Variants in RIPOR2 observed in about 807,000 individuals in gnomAD.
The protein encoded by RIPOR2 is RHO family interacting cell polarization regulator 2, also known as rho family-interacting cell polarization regulator 2.
A neutral mutation model predicts 114.5 loss-of-function variants in RIPOR2; 39 were observed. The observed-to-expected ratio is 0.34, with a 90% confidence interval of 0.26 to 0.44. The LOEUF is 0.44. Ranked by LOEUF, RIPOR2 falls within the 20% of genes least tolerant of loss-of-function variation. RIPOR2 has a pLI of 1.00. For missense variants in RIPOR2, 1,007 were observed against 1,255.1 expected (o/e 0.80, Z 2.99); for synonymous variants, 445 against 484.4 (o/e 0.92, Z 1.07).
At chr6:24,869,008 G>T (rs1029996490) in intron 6 of RIPOR2, 86 bp downstream of exon 6, 2 of 692,150 alleles carry the variant, frequency 2.9e-6, no homozygotes, top group Non-Finnish European at 2.5e-6. Flanking sequence ...AGTTCTCCAC[G>T]CACTAGATAC....
chr6:24,975,038 A>C (rs62401113), intron 1 of RIPOR2, among the ~76,000 whole-genome samples: 149,826 of 152,268 alleles, frequency 0.98, 73,696 homozygotes, highest in Non-Finnish European at 0.99. Context: ...GTTTCTTTTA[A>C]TGGTAATAAA....
In RIPOR2 at chr6:24,928,155, G is replaced by A. The variant is rs558207728; in HGVS notation, c.61+7683C>T. On this transcript the variant is annotated intron_variant, in intron 1 of 21. Coordinates refer to ENST00000643898, the MANE Select transcript of RIPOR2 (RefSeq NM_001286445.3). ...GATGCTTGTGGAGATTAATAGGGGT[G>A]TGAGTCATGCCCTACCTCAAAAACA... Among the ~76,000 whole-genome samples the A allele has an allele frequency of 5.9e-5, 9 of 152,288 alleles. No individual in the cohort carries two copies. The South Asian group carries it at 1.2e-3, about 21-fold the overall frequency.
chr6:24,989,772 C>T (rs929515006), intron 1 of RIPOR2, among the ~76,000 whole-genome samples: 7 of 151,658 alleles, frequency 4.6e-5, no homozygotes, highest in Admixed American at 6.6e-5. Context: ...TGGCTGGGCG[C>T]GGTGATCCCA....
intron 1 of RIPOR2, among the ~76,000 whole-genome samples, chr6:24,950,425 C>T (rs927817396): frequency 2.0e-5 from 3 of 152,146 alleles, no homozygotes; most frequent in African/African-American, 7.2e-5. Flanking sequence ...CTTGCACAAT[C>T]CTGTAATCTC....
At chr6:24,963,964 G>T (rs78773832) in intron 1 of RIPOR2, among the ~76,000 whole-genome samples, 1 of 152,058 alleles carries the variant, frequency 6.6e-6, no homozygotes, top group Non-Finnish European at 1.5e-5. Context: ...TCTCAGGCTG[G>T]TCTCGAATTC....
intron 14 of RIPOR2, among the ~76,000 whole-genome samples, chr6:24,836,563 A>C (rs996745267): frequency 8.5e-5 from 13 of 152,312 alleles, no homozygotes; most frequent in African/African-American, 3.1e-4. Flanking sequence ...GAGGGTGGCA[A>C]TAGTGGTCTT....
At chr6:24,949,566 T>A (rs1240363963) in intron 1 of RIPOR2, among the ~76,000 whole-genome samples, 1 of 152,212 alleles carries the variant, frequency 6.6e-6, no homozygotes, top group Non-Finnish European at 1.5e-5. Flanking sequence ...CTAAGCAACC[T>A]TGGAGAAAAT....
intron 1 of RIPOR2, among the ~76,000 whole-genome samples, chr6:24,985,686 A>AGG (rs1158247162): frequency 4.6e-5 from 7 of 152,156 alleles, no homozygotes; most frequent in Non-Finnish European, 8.8e-5. Context: ...GGACCCCCCT[A>AGG]GACCCCTGGT....
At chr6:24,825,925 C>CTTTTTTTTT (rs11454820) in intron 18 of RIPOR2, among the ~76,000 whole-genome samples, 1 of 126,300 alleles carries the variant, frequency 7.9e-6, no homozygotes, top group Non-Finnish European at 1.6e-5. Context: ...ATGTTTTTCT[C>CTTTTTTTTT]TTTTTTTTTT....
chr6:24,858,887 G>A lies in RIPOR2; in HGVS notation c.715+2086C>T, dbSNP rs1448507538. On this transcript the variant is annotated intron_variant, in intron 8 of 21. Coordinates refer to ENST00000643898, the MANE Select transcript of RIPOR2 (RefSeq NM_001286445.3). This position sits in a 1 kb window ranked among gnomAD's most constrained non-coding sequence, Gnocchi z 4.0. ...CATCTCCTCCCTGAACACCAAGCCT[G>A]AAGCTCCAGATCTGGTCCGAGGGTG... Among the ~76,000 whole-genome samples, 1 of 152,170 alleles carries A rather than the reference G, an allele frequency of 6.6e-6. No individual in the cohort carries two copies. Among genetic ancestry groups the A allele is most frequent in the Non-Finnish European group, 1.5e-5 (1 of 68,026 alleles).
chr6:24,922,488 T>A (rs1236051237), intron 1 of RIPOR2, among the ~76,000 whole-genome samples: 1 of 152,172 alleles, frequency 6.6e-6, no homozygotes, highest in East Asian at 1.9e-4. Flanking sequence ...AAAAAGCAAC[T>A]GCTCTGTAGA....
chr6:25,013,666 T>C (rs189207503), intron 1 of RIPOR2, among the ~76,000 whole-genome samples: 2 of 152,320 alleles, frequency 1.3e-5, no homozygotes, highest in African/African-American at 4.8e-5. Flanking sequence ...ACAAAACATC[T>C]GTGGGCTGAT....
intron 1 of RIPOR2, among the ~76,000 whole-genome samples, chr6:24,983,545 T>C (rs1164895850): frequency 6.6e-6 from 1 of 151,892 alleles, no homozygotes; most frequent in Non-Finnish European, 1.5e-5. Flanking sequence ...TCACCTGAGG[T>C]CAGGAGTTCA....
chr6:24,940,475 G>C (rs201089276), upstream of RIPOR2, among the ~76,000 whole-genome samples: 1 of 152,042 alleles, frequency 6.6e-6, no homozygotes, highest in African/African-American at 2.4e-5. Flanking sequence ...GTAGGAGAGA[G>C]GAATTGAAAC....
intron 1 of RIPOR2, among the ~76,000 whole-genome samples, chr6:24,889,870 T>C (rs184819770): frequency 6.6e-6 from 1 of 152,258 alleles, no homozygotes; most frequent in South Asian, 2.1e-4. Flanking sequence ...TACCTGCACC[T>C]GTATGTTCAT....
exon 1 of RIPOR2, chr6:25,041,952 T>C (rs568437378): frequency 7.2e-6 from 5 of 698,128 alleles, no homozygotes; most frequent in Admixed American, 2.1e-5. Flanking sequence ...GCCTAAAACC[T>C]GCTCATGGCA....
chr6:24,925,090 C>T (rs529001675), intron 1 of RIPOR2, among the ~76,000 whole-genome samples: 1 of 152,286 alleles, frequency 6.6e-6, no homozygotes, highest in East Asian at 1.9e-4. Flanking sequence ...TGCAAATGTT[C>T]ATCTGTAAAA....
rs376562548 is a variant in RIPOR2, at chr6:24,828,624, C to T, written c.2507-329G>A. ...GCCATTTAGATCAAGATATGGAAGA[C>T]GGCCTGCATTCCATAAGGTTTTCTT... On this transcript the variant is annotated intron_variant, in intron 17 of 21. Coordinates refer to ENST00000643898, the MANE Select transcript of RIPOR2 (RefSeq NM_001286445.3). 1.2e-4 allele frequency among the ~76,000 whole-genome samples: 18 copies of T among 152,224 alleles called. 1 individual carries two copies. The East Asian group carries it at 2.3e-3, about 20-fold the overall frequency.
intron 8 of RIPOR2, among the ~76,000 whole-genome samples, chr6:24,857,220 C>T (rs921543840): frequency 6.6e-6 from 1 of 152,168 alleles, no homozygotes; most frequent in Non-Finnish European, 1.5e-5. Flanking sequence ...GGCCAGGTTT[C>T]TTACAGGCTC....
Sources: allele counts gnomAD v4.1 joint callset (sites outside exome capture counted in the v4.1 genomes callset), GRCh38; gene constraint gnomAD v4.1.1; non-coding constraint Gnocchi (gnomAD v3.1); transcripts MANE v1.5; gene names NCBI Gene and HGNC (gene_info 2026-07-23, HGNC 2026-07-21).